ROBO2: variants seen among roughly 807,000 people sequenced by gnomAD.
ROBO2 encodes the protein roundabout guidance receptor 2, also known as roundabout homolog 2.
Under a neutral mutation model 160.8 loss-of-function variants are expected in ROBO2, and 53 were observed. That is an observed-to-expected ratio of 0.33 (90% confidence interval 0.26 to 0.41). The LOEUF (loss-of-function observed/expected upper bound fraction) is 0.41, where lower values mean the gene tolerates loss of function less well. Ranked by LOEUF, ROBO2 falls within the 10% of genes least tolerant of loss-of-function variation. The probability of loss-of-function intolerance (pLI) is 1.00; values close to 1 mark genes in which losing one functional copy is unlikely to be tolerated. For missense variants in ROBO2, 1,577 were observed against 1,722.4 expected (o/e 0.92, Z 1.49); for synonymous variants, 664 against 611.7 (o/e 1.09, Z -1.26).
chr3:76,301,043 A>G (rs558224750), intron 2 of ROBO2, among the ~76,000 whole-genome samples: 79 of 152,218 alleles, frequency 5.2e-4, no homozygotes, highest in Non-Finnish European at 8.1e-4. Context: ...TTGAATTAGG[A>G]AGAAAGAAGA....
chr3:76,392,105 A>G (rs1263514939), intron 2 of ROBO2, among the ~76,000 whole-genome samples: 1 of 152,190 alleles, frequency 6.6e-6, no homozygotes, highest in Admixed American at 6.5e-5. Flanking sequence ...AATTTACTTA[A>G]TAAGATTTTC....
intron 2 of ROBO2, among the ~76,000 whole-genome samples, chr3:76,219,206 TA>T (rs1300925588): frequency 5.9e-5 from 9 of 152,032 alleles, no homozygotes; most frequent in Non-Finnish European, 8.8e-5. Context: ...AAAAACCATG[TA>T]AAACCATAAA....
intron 2 of ROBO2, among the ~76,000 whole-genome samples, chr3:77,461,683 A>G (rs1486821720): frequency 2.0e-5 from 3 of 151,890 alleles, no homozygotes; most frequent in Admixed American, 6.6e-5. Flanking sequence ...AAGTATCATT[A>G]TAAGTTTTTA....
At chr3:76,808,302 A>C (rs1489324162) in intron 2 of ROBO2, among the ~76,000 whole-genome samples, 1 of 152,140 alleles carries the variant, frequency 6.6e-6, no homozygotes, top group Non-Finnish European at 1.5e-5. Context: ...CTGAACAATA[A>C]GTTAACATAT....
At chr3:76,428,077 T>C (rs2108991320) in intron 2 of ROBO2, among the ~76,000 whole-genome samples, 1 of 152,326 alleles carries the variant, frequency 6.6e-6, no homozygotes, top group Non-Finnish European at 1.5e-5. Context: ...TTTTCTCAGT[T>C]TATGTTTATG....
chr3:76,956,556 C>CAAA (rs11369735), intron 2 of ROBO2, among the ~76,000 whole-genome samples: 7 of 106,254 alleles, frequency 6.6e-5, no homozygotes, highest in African/African-American at 2.2e-4. Context: ...GACTCTGTCT[C>CAAA]AAAAAAAAAA....
At chr3:76,983,563 T>C (rs945945332) in intron 2 of ROBO2, among the ~76,000 whole-genome samples, 3 of 152,178 alleles carry the variant, frequency 2.0e-5, no homozygotes, top group Non-Finnish European at 4.4e-5. Context: ...AATATTGGAA[T>C]AGGAATTTAT....
At chr3:76,390,070 A>C (rs1376956180) in intron 2 of ROBO2, among the ~76,000 whole-genome samples, 1 of 152,154 alleles carries the variant, frequency 6.6e-6, no homozygotes, top group Non-Finnish European at 1.5e-5. Flanking sequence ...TCTTCACATA[A>C]GGACTATTGA....
At chr3:77,438,661 A>G (rs1015871948) in intron 2 of ROBO2, among the ~76,000 whole-genome samples, 11 of 151,982 alleles carry the variant, frequency 7.2e-5, no homozygotes, top group African/African-American at 2.7e-4. Context: ...CATATTATAT[A>G]TGTGCTTACT....
At chr3:76,446,432 GA>G (rs1384378666) in intron 2 of ROBO2, among the ~76,000 whole-genome samples, 2 of 152,150 alleles carry the variant, frequency 1.3e-5, no homozygotes, top group African/African-American at 4.8e-5. Flanking sequence ...TCATGGATAG[GA>G]AGAATCAATA....
chr3:76,069,882 C>T (rs568524526), intron 2 of ROBO2, among the ~76,000 whole-genome samples: 2 of 152,226 alleles, frequency 1.3e-5, no homozygotes, highest in South Asian at 4.1e-4. Context: ...ATTGGTTCCC[C>T]AAATTAATAC....
At chr3:77,526,523 C>T (rs1249169777) in intron 6 of ROBO2, among the ~76,000 whole-genome samples, 3 of 151,448 alleles carry the variant, frequency 2.0e-5, no homozygotes, top group Non-Finnish European at 3.0e-5. Context: ...ACATGTTTCA[C>T]AATATTTGTC....
chr3:77,313,804 G>A (rs967462705), intron 2 of ROBO2, among the ~76,000 whole-genome samples: 5 of 152,048 alleles, frequency 3.3e-5, no homozygotes, highest in African/African-American at 9.7e-5. Context: ...CGCTGGTCTC[G>A]AACTCCCGAC....
chr3:76,018,763 T>C (rs1045091376), intron 2 of ROBO2, among the ~76,000 whole-genome samples: 4 of 151,762 alleles, frequency 2.6e-5, no homozygotes, highest in Admixed American at 1.3e-4. Flanking sequence ...GAGAATACTG[T>C]GTATTCCTTG....
intron 2 of ROBO2, among the ~76,000 whole-genome samples, chr3:76,251,607 A>G (rs1706005682): frequency 1.3e-5 from 2 of 152,252 alleles, no homozygotes; most frequent in South Asian, 4.1e-4. Context: ...AGCATCAACT[A>G]TAGGAAAGAA....
At position 77,374,465 on chromosome 3, in the gene ROBO2, T is replaced by A. The variant is rs138441002; in HGVS notation, c.389-102949T>A. On this transcript the variant is annotated intron_variant, in intron 2 of 25. Coordinates refer to ENST00000461745, the Ensembl canonical transcript of ROBO2. The stretch of plus-strand genomic sequence containing the variant: ...ATGTCACTGCAGTGTCAGCCACTTA[T>A]TTATTTTTAATTAAGGATCTGTTGA... 4.3e-3 allele frequency among the ~76,000 whole-genome samples: 651 copies of A among 152,290 alleles called. 4 individuals carry two copies. The highest frequency in any genetic ancestry group is 0.015 in the African/African-American group (605 of 41,568).
intron 2 of ROBO2, among the ~76,000 whole-genome samples, chr3:76,760,441 G>T (rs2108362416): frequency 6.6e-6 from 1 of 151,660 alleles, no homozygotes; most frequent in South Asian, 2.1e-4. Flanking sequence ...ATAGCAAAAT[G>T]CCAAGAACAC....
At chr3:76,898,370 G>C (rs889403721) in intron 2 of ROBO2, among the ~76,000 whole-genome samples, 2 of 151,956 alleles carry the variant, frequency 1.3e-5, no homozygotes, top group African/African-American at 4.8e-5. Context: ...CATCTAAAAT[G>C]AGTATTAATT....
intron 2 of ROBO2, among the ~76,000 whole-genome samples, chr3:76,450,588 T>C (rs528336777): frequency 2.6e-5 from 4 of 152,258 alleles, no homozygotes; most frequent in African/African-American, 9.6e-5. Flanking sequence ...GTAGCTGGGA[T>C]TACAGGCACA....
Sources: allele counts gnomAD v4.1 joint callset (sites outside exome capture counted in the v4.1 genomes callset), GRCh38; gene constraint gnomAD v4.1.1; transcripts MANE v1.5; gene names NCBI Gene and HGNC (gene_info 2026-07-23, HGNC 2026-07-21).